ALDH1A2: variants seen among roughly 807,000 people sequenced by gnomAD.
ALDH1A2 encodes aldehyde dehydrogenase 1 family member A2.
Under a neutral mutation model 60.3 loss-of-function variants are expected in ALDH1A2, and 27 were observed. The ratio of observed to expected loss-of-function variants is 0.45; its 90% CI spans 0.33 to 0.62. ALDH1A2 has a LOEUF of 0.62. Among genes scored for constraint, ALDH1A2 ranks in the 20% least tolerant of loss-of-function variants. The probability of loss-of-function intolerance (pLI) is 0.02; values close to 1 mark genes in which losing one functional copy is unlikely to be tolerated. For missense variants in ALDH1A2, 581 were observed against 643.8 expected (o/e 0.90, Z 1.06); for synonymous variants, 289 against 232.4 (o/e 1.24, Z -2.21).
chr15:58,017,410 A>T (rs1489420411), intron 1 of ALDH1A2, among the ~76,000 whole-genome samples: 1 of 152,184 alleles, frequency 6.6e-6, no homozygotes, highest in Non-Finnish European at 1.5e-5. Flanking sequence ...GCTCAATCTG[A>T]TTGACATTTA....
At position 57,986,986 on chromosome 15, in the gene ALDH1A2, C is replaced by T. The variant is rs111788916; in HGVS notation, c.798+5719G>A. 5.5e-3 allele frequency among the ~76,000 whole-genome samples: 840 copies of T among 152,008 alleles called. 11 individuals are homozygous for T. Among genetic ancestry groups the T allele is most frequent in the African/African-American group, 0.019 (799 of 41,432 alleles). ...AAGGATTGTAAAATAGATGTCTACA[C>T]AAATTTAAAGGAATAAAGGGGTGTA... On this transcript the variant is annotated intron_variant, in intron 7 of 12. Transcript: ENST00000249750.
chr15:58,014,178 T>G lies in ALDH1A2; in HGVS notation c.221A>C (p.Lys74Thr). 6.2e-7 allele frequency: 1 copy of G among 1,614,052 alleles called. No homozygotes were observed. The highest frequency in any genetic ancestry group is 8.5e-7 in the Non-Finnish European group (1 of 1,179,904). The stretch of plus-strand genomic sequence containing the variant: ...ATCTTTTATCTACAAAAGACATACC[T>G]TGTCTGCTTCTTGAACTTCACACAC... Reference protein sequence around the residue: ...EQVCEVQEADKADIDKAVQAA... With the variant: ...EQVCEVQEADTADIDKAVQAA... The change falls in exon 2 of 13, where the codon AAG (lysine) becomes ACG (threonine). Residue 74 changes from lysine to threonine, a missense_variant and splice_region_variant. Physicochemically the swap from Lys to Thr is moderately conservative, Grantham distance 78. This residue lies in a region of ALDH1A2 where 206 missense variants were observed against 174.1 expected (regional missense o/e 1.18). Coordinates refer to ENST00000249750, the MANE Select transcript of ALDH1A2 (RefSeq NM_003888.4).
chr15:57,986,674 A>T (rs929148471), intron 7 of ALDH1A2, among the ~76,000 whole-genome samples: 3 of 150,294 alleles, frequency 2.0e-5, no homozygotes, highest in Non-Finnish European at 4.4e-5. Flanking sequence ...TTTCATTATT[A>T]TATTATTATT....
intron 1 of ALDH1A2, among the ~76,000 whole-genome samples, chr15:58,046,706 T>C (rs150902437): frequency 3.3e-5 from 5 of 152,178 alleles, no homozygotes; most frequent in African/African-American, 4.8e-5. Context: ...GCCTGAAGTA[T>C]AGCTGGTTAA....
chr15:58,008,894 C>G (rs1895542533), intron 4 of ALDH1A2, among the ~76,000 whole-genome samples: 1 of 152,038 alleles, frequency 6.6e-6, no homozygotes, highest in African/African-American at 2.4e-5. Flanking sequence ...TAGGCCATCC[C>G]CACATCTTGC....
At chr15:57,968,970 A>T (rs1257107435) in intron 7 of ALDH1A2, among the ~76,000 whole-genome samples, 1 of 151,128 alleles carries the variant, frequency 6.6e-6, no homozygotes. Flanking sequence ...TTAGAAAACA[A>T]ATTTGTGCGC....
At chr15:58,056,930 T>TG (rs771517940) in intron 1 of ALDH1A2, among the ~76,000 whole-genome samples, 1 of 152,154 alleles carries the variant, frequency 6.6e-6, no homozygotes, top group Non-Finnish European at 1.5e-5. Context: ...GACACACTGC[T>TG]GGTGGGATAT....
intron 1 of ALDH1A2, among the ~76,000 whole-genome samples, chr15:58,032,297 T>C (rs574841960): frequency 3.9e-4 from 59 of 151,974 alleles, no homozygotes; most frequent in African/African-American, 1.3e-3. Flanking sequence ...TAGGTGGGAA[T>C]TGAACAATGA....
chr15:58,053,182 C>T (rs200045149), intron 1 of ALDH1A2, among the ~76,000 whole-genome samples: 2 of 152,054 alleles, frequency 1.3e-5, no homozygotes, highest in Non-Finnish European at 2.9e-5. Context: ...CAGTACTTAA[C>T]AGTAATAATA....
At chr15:57,989,193 A>G (rs1186994161) in intron 7 of ALDH1A2, among the ~76,000 whole-genome samples, 1 of 152,176 alleles carries the variant, frequency 6.6e-6, no homozygotes. Context: ...GGAAGAAAAC[A>G]TTAAATGCTA....
intron 1 of ALDH1A2, among the ~76,000 whole-genome samples, chr15:58,032,240 C>T (rs1156748286): frequency 4.6e-5 from 7 of 151,922 alleles, no homozygotes; most frequent in African/African-American, 1.7e-4. Flanking sequence ...TCATTCTCAG[C>T]AAACTATTGC....
At chr15:58,053,185 T>C (rs1006209020) in intron 1 of ALDH1A2, among the ~76,000 whole-genome samples, 16 of 152,096 alleles carry the variant, frequency 1.1e-4, no homozygotes, top group African/African-American at 3.9e-4. Context: ...TACTTAACAG[T>C]AATAATAAAG....
intron 7 of ALDH1A2, among the ~76,000 whole-genome samples, chr15:57,966,665 G>C (rs1366403616): frequency 6.6e-6 from 1 of 152,194 alleles, no homozygotes; most frequent in African/African-American, 2.4e-5. Context: ...ACTGGTGGTG[G>C]CAGGGTTTGT....
intron 4 of ALDH1A2, among the ~76,000 whole-genome samples, chr15:58,005,937 C>A (rs1895436532): frequency 2.0e-5 from 3 of 151,828 alleles, no homozygotes; most frequent in Admixed American, 2.0e-4. Flanking sequence ...TAAGGACTTG[C>A]CTACTACCTA....
chr15:58,034,791 C>T (rs887693700), intron 1 of ALDH1A2, among the ~76,000 whole-genome samples: 8 of 151,540 alleles, frequency 5.3e-5, no homozygotes, highest in African/African-American at 1.9e-4. Context: ...TTTTGAATGC[C>T]AAATCAGCCT....
chr15:58,028,698 G>A (rs1896145514), intron 1 of ALDH1A2, among the ~76,000 whole-genome samples: 1 of 152,128 alleles, frequency 6.6e-6, no homozygotes, highest in Non-Finnish European at 1.5e-5. Context: ...TAAAGGGATG[G>A]AGGAATATCT....
chr15:57,958,489 G>A (rs1464740539), intron 12 of ALDH1A2, among the ~76,000 whole-genome samples: 3 of 152,178 alleles, frequency 2.0e-5, no homozygotes, highest in African/African-American at 7.2e-5. Flanking sequence ...GGAATTAAGA[G>A]GGCAGCCCTC....
At chr15:58,010,862 G>T in intron 3 of ALDH1A2, 84 bp from the exon 4 acceptor site, 1 of 1,542,706 alleles carries the variant, frequency 6.5e-7, no homozygotes, top group Non-Finnish European at 8.9e-7. Context: ...AAAAAAGGAA[G>T]AGAGAGAATA....
chr15:58,032,994 T>A (rs1420133807), intron 1 of ALDH1A2, among the ~76,000 whole-genome samples: 1 of 151,830 alleles, frequency 6.6e-6, no homozygotes, highest in African/African-American at 2.4e-5. Context: ...TAATGTAAAA[T>A]AGATCAGAGA....
Sources: gnomAD v4.1 joint callset for allele counts (sites outside exome capture counted in the v4.1 genomes callset) on GRCh38, gnomAD v4.1.1 for gene constraint, gnomAD v4.1.1 regional missense constraint, MANE v1.5 for transcripts, NCBI Gene and HGNC (gene_info 2026-07-23, HGNC 2026-07-21) for gene names.